Variants in ADAMTS17 observed in about 807,000 individuals in gnomAD.
The protein encoded by ADAMTS17 is A disintegrin and metalloproteinase with thrombospondin motifs 17.
ADAMTS17 carries 113 observed loss-of-function variants against 141.5 expected under a neutral mutation model. That is an observed-to-expected ratio of 0.80 (90% CI 0.69 to 0.93). The LOEUF (loss-of-function observed/expected upper bound fraction) is 0.93. Among genes scored for constraint, ADAMTS17 ranks in the 40% least tolerant of loss-of-function variants. ADAMTS17 has a pLI of 0.00. For missense variants in ADAMTS17, 1,659 were observed against 1,517.9 expected (o/e 1.09, Z -1.54); for synonymous variants, 768 against 630.6 (o/e 1.22, Z -3.27).
In ADAMTS17 at chr15:99,971,743, A is replaced by G. The variant is rs1483914934; in HGVS notation, c.*2659T>C. The G allele has an allele frequency of 1.3e-5, 2 of 152,252 alleles. No individual in the cohort carries two copies. Among genetic ancestry groups the G allele is most frequent in the African/African-American group, 4.8e-5 (2 of 41,460 alleles). 9.4% of individuals were successfully genotyped at this position (152,252 alleles called of 1,614,324 possible). A position where few individuals can be genotyped will look rare whatever the true frequency, so the allele number is the denominator to read the frequency against. ...GCTGAGAGGGTTTAATTTTGCACCAATAAAAATAGCACCGTAGGGTCGTGA... is the reference window on the plus strand; with the variant it reads ...GCTGAGAGGGTTTAATTTTGCACCAGTAAAAATAGCACCGTAGGGTCGTGA... On this transcript the variant is annotated 3_prime_UTR_variant, in exon 22 of 22. Coordinates refer to ENST00000268070, the MANE Select transcript of ADAMTS17 (RefSeq NM_139057.4).
At chr15:100,338,061 T>C (rs1007666511) in intron 2 of ADAMTS17, among the ~76,000 whole-genome samples, 1 of 152,182 alleles carries the variant, frequency 6.6e-6, no homozygotes, top group African/African-American at 2.4e-5. Flanking sequence ...CTCTTGGAAA[T>C]GTAAATACAA....
intron 14 of ADAMTS17, among the ~76,000 whole-genome samples, chr15:100,099,693 C>G (rs1256123434): frequency 6.6e-6 from 1 of 152,100 alleles, no homozygotes; most frequent in Non-Finnish European, 1.5e-5. Context: ...TATGTGACAC[C>G]AAAGGACCAA....
intron 14 of ADAMTS17, among the ~76,000 whole-genome samples, chr15:100,106,560 C>T (rs1326252325): frequency 1.3e-5 from 2 of 152,198 alleles, no homozygotes; most frequent in Non-Finnish European, 2.9e-5. Context: ...TCGCACAGAG[C>T]ATAAATTATG....
Position 100,116,901 on chromosome 15 carries a change from G to A in ADAMTS17, c.1834C>T (p.His612Tyr). ...PSFRDQQCQA[H>Y]DRLSPKKKGL... ...TTCTTCTTGGGGCTCAGCCGGTCGTGTGCCTGGCACTGCTGGTCCCGGAAG... is the reference window on the plus strand; with the variant it reads ...TTCTTCTTGGGGCTCAGCCGGTCGTATGCCTGGCACTGCTGGTCCCGGAAG... The change falls in exon 13 of 22, where the codon CAC becomes TAC. Residue 612 changes from histidine to tyrosine, a missense_variant. Transcript: ENST00000268070. 6.2e-7 allele frequency: 1 copy of A among 1,614,192 alleles called. No homozygotes were observed. The highest frequency in any genetic ancestry group is 8.5e-7 in the Non-Finnish European group (1 of 1,180,038).
At chr15:100,288,489 C>T (rs550988867) in intron 3 of ADAMTS17, among the ~76,000 whole-genome samples, 8 of 152,294 alleles carry the variant, frequency 5.3e-5, no homozygotes, top group African/African-American at 1.2e-4. Context: ...ATATTCAGGA[C>T]GTGAACTCAA....
chr15:100,080,173 T>C lies in ADAMTS17; in HGVS notation c.2137+16183A>G, dbSNP rs534200585. Among the ~76,000 whole-genome samples, 47 of 152,258 alleles carry C rather than the reference T, an allele frequency of 3.1e-4. 1 individual carries two copies. Among genetic ancestry groups the C allele is most frequent in the Middle Eastern group, 3.4e-3 (1 of 294 alleles). ...ATTTTTGCTTCCTGTTCCCCCGACA[T>C]TACATTCTGCTGGCCTGGAGATCTT... is the stretch of plus-strand genomic sequence containing the variant. On this transcript the variant is annotated intron_variant, in intron 15 of 21. Transcript: ENST00000268070.
In ADAMTS17 at chr15:100,048,905, C is replaced by G; in HGVS notation, c.2543G>C (p.Arg848Pro). 1 of 1,614,130 alleles carries G rather than the reference C, an allele frequency of 6.2e-7. No homozygotes were observed. ...VNDSDCPQAS[R>P]PEPQVRRCNL... Reference sequence around the variant, plus strand: ...GCACCTTCGGACCTGGGGCTCTGGGCGGCTTGCTTGAGGGCAGTCACTGTC... The same window carrying G: ...GCACCTTCGGACCTGGGGCTCTGGGGGGCTTGCTTGAGGGCAGTCACTGTC... Residue 848 changes from arginine (R) to proline (P), a missense_variant, in exon 18 of 22, where the codon CGC becomes CCC. Transcript: ENST00000268070.
chr15:100,065,220 C>G (rs1006340824), intron 15 of ADAMTS17, among the ~76,000 whole-genome samples: 3 of 152,126 alleles, frequency 2.0e-5, no homozygotes, highest in Admixed American at 6.5e-5. Flanking sequence ...TTCAACACCT[C>G]TTAATGCATA....
intron 2 of ADAMTS17, 98 bp downstream of exon 2, chr15:100,340,940 TG>T: frequency 6.7e-7 from 1 of 1,489,330 alleles, no homozygotes; most frequent in East Asian, 2.6e-5. Flanking sequence ...CCCTGGAGGC[TG>T]GACTTCCAGC....
In ADAMTS17 at chr15:99,976,184, C is replaced by T. The variant is rs1321294790; in HGVS notation, c.2988G>A (p.Val996=). ...STCGKGLQSR[V]VQCMHKVTGR... ...CTGTGACCTTGTGCATGCACTGCACCACCCGGGACTGCAGGCCCTTCCCGC... is the reference window on the plus strand; with the variant it reads ...CTGTGACCTTGTGCATGCACTGCACTACCCGGGACTGCAGGCCCTTCCCGC... The change falls in exon 21 of 22, where the codon GTG becomes GTA. Residue 996 remains valine (V), a synonymous_variant. Transcript: ENST00000268070. The T allele has an allele frequency of 1.3e-6, 2 of 1,549,500 alleles. No homozygotes were observed. Among genetic ancestry groups the T allele is most frequent in the South Asian group, 1.2e-5 (1 of 84,066 alleles).
At chr15:100,340,874 G>A (rs897194017) in intron 2 of ADAMTS17, 165 bp downstream of exon 2, 8 of 1,127,614 alleles carry the variant, frequency 7.1e-6, no homozygotes, top group East Asian at 5.7e-5. Flanking sequence ...AGAGGGTACC[G>A]AAGGCCGGGG....
At chr15:100,145,031 T>C (rs1287284319) in intron 10 of ADAMTS17, among the ~76,000 whole-genome samples, 3 of 152,208 alleles carry the variant, frequency 2.0e-5, no homozygotes, top group Non-Finnish European at 4.4e-5. Context: ...CACAGTTTTA[T>C]TCCCTTGGCA....
At chr15:100,030,571 T>G (rs2170283) in intron 18 of ADAMTS17, among the ~76,000 whole-genome samples, 15,959 of 152,178 alleles carry the variant, frequency 0.1, 2,202 homozygotes, top group African/African-American at 0.32. Flanking sequence ...TGAATGATGC[T>G]GAGACCCTCC....
intron 15 of ADAMTS17, among the ~76,000 whole-genome samples, chr15:100,054,370 G>A (rs1376120191): frequency 6.6e-6 from 1 of 152,210 alleles, no homozygotes; most frequent in Non-Finnish European, 1.5e-5. Context: ...AGGGAATGGA[G>A]AAGACCATGG....
chr15:100,291,880 C>T (rs550482892), intron 3 of ADAMTS17, among the ~76,000 whole-genome samples: 11 of 152,320 alleles, frequency 7.2e-5, no homozygotes, highest in Non-Finnish European at 1.2e-4. Context: ...CAAACCCCCA[C>T]GATGCGATTT....
chr15:100,113,096 G>A (rs1022756494), intron 13 of ADAMTS17, among the ~76,000 whole-genome samples: 1 of 152,120 alleles, frequency 6.6e-6, no homozygotes, highest in Non-Finnish European at 1.5e-5. Flanking sequence ...TGCCCAACCC[G>A]GCCCCCTCAT....
chr15:100,318,767 C>T (rs2045641425), intron 3 of ADAMTS17, among the ~76,000 whole-genome samples: 1 of 152,188 alleles, frequency 6.6e-6, no homozygotes, highest in South Asian at 2.1e-4. Context: ...GAGACCTCAA[C>T]AATCCAGCAG....
chr15:100,059,085 A>G (rs2032898500), intron 15 of ADAMTS17, among the ~76,000 whole-genome samples: 2 of 152,218 alleles, frequency 1.3e-5, no homozygotes, highest in Admixed American at 1.3e-4. Flanking sequence ...ATTGGCTCTC[A>G]CAAGCCACAC....
At chr15:100,131,960 A>C (rs776381820) in intron 12 of ADAMTS17, 47 bp downstream of exon 12, 38 of 1,613,242 alleles carry the variant, frequency 2.4e-5, no homozygotes, top group Non-Finnish European at 3.1e-5. Context: ...TGCTGTTGGG[A>C]AACTCCAATC....
Sources: gnomAD v4.1 joint callset for allele counts (sites outside exome capture counted in the v4.1 genomes callset) on GRCh38, gnomAD v4.1.1 for gene constraint, MANE v1.5 for transcripts, NCBI Gene and HGNC (gene_info 2026-07-23, HGNC 2026-07-21) for gene names.